Variants in PRKAA2 observed in about 807,000 individuals in gnomAD.
The protein encoded by PRKAA2 is 5'-AMP-activated protein kinase catalytic subunit alpha-2.
Under a neutral mutation model 56.3 loss-of-function variants are expected in PRKAA2, and 40 were observed. The observed-to-expected ratio is 0.71, with a 90% CI of 0.55 to 0.92. The LOEUF (loss-of-function observed/expected upper bound fraction) is 0.92. PRKAA2 is among the 40% of genes least tolerant of loss of function. The probability of loss-of-function intolerance (pLI) is 0.00; values close to 1 mark genes in which losing one functional copy is unlikely to be tolerated. For missense variants in PRKAA2, 542 were observed against 686.9 expected (o/e 0.79, Z 2.36); for synonymous variants, 214 against 234.2 (o/e 0.91, Z 0.79).
intron 1 of PRKAA2, among the ~76,000 whole-genome samples, chr1:56,658,565 A>G (rs1253688290): frequency 1.4e-5 from 2 of 140,736 alleles, no homozygotes; most frequent in Non-Finnish European, 3.0e-5. Flanking sequence ...ATAATGGTAA[A>G]TGTTGTTGTT....
At chr1:56,653,126 G>A (rs1367069045) in intron 1 of PRKAA2, among the ~76,000 whole-genome samples, 2 of 129,742 alleles carry the variant, frequency 1.5e-5, no homozygotes, top group African/African-American at 5.6e-5. Flanking sequence ...TTCTAAACAA[G>A]TGTTAAATAT....
At chr1:56,706,009 C>T in intron 7 of PRKAA2, 83 bp from the exon 8 acceptor site, 1 of 1,198,894 alleles carries the variant, frequency 8.3e-7, no homozygotes, top group Non-Finnish European at 1.2e-6. Flanking sequence ...TACCTCACCC[C>T]TATTAATTAT....
chr1:56,669,474 T>G (rs1042391410), intron 1 of PRKAA2, among the ~76,000 whole-genome samples: 3 of 151,922 alleles, frequency 2.0e-5, no homozygotes, highest in Non-Finnish European at 4.4e-5. Flanking sequence ...AGTGCTGATT[T>G]TGGGGACATG....
chr1:56,713,276 C>G lies in PRKAA2; in HGVS notation c.*5563C>G, dbSNP rs999281100. ...CATCCATAGCCTGATAAGAATCAGG[C>G]TGGGTCTAGAAGAGTTATCAGACTG... On this transcript the variant is annotated 3_prime_UTR_variant, in exon 9 of 9. Transcript: ENST00000371244. 6.6e-6 allele frequency: 1 copy of G among 152,086 alleles called. No individual in the cohort carries two copies. The highest frequency in any genetic ancestry group is 2.4e-5 in the African/African-American group (1 of 41,422). The allele number at this position is 152,086 out of a possible 1,614,324, so 9.4% of individuals were successfully genotyped here. A position where few individuals can be genotyped will look rare whatever the true frequency, so the allele number is the denominator to read the frequency against.
At chr1:56,655,596 C>T (rs1235521594) in intron 1 of PRKAA2, among the ~76,000 whole-genome samples, 1 of 151,996 alleles carries the variant, frequency 6.6e-6, no homozygotes, top group Non-Finnish European at 1.5e-5. Context: ...CATGAGGGAT[C>T]TTCTCCTATG....
At position 56,706,167 on chromosome 1, in the gene PRKAA2, C is replaced by T. The variant is rs1644330636; in HGVS notation, c.1369C>T (p.Leu457Phe). Residue 457 changes from leucine to phenylalanine, a missense_variant, in exon 8 of 9, where the codon CTT becomes TTT. Leu to Phe is a conservative substitution (Grantham distance 22, BLOSUM62 0). Transcript: ENST00000371244. ...CAATTACGTGAAAATGAGCTTACAA[C>T]TTTACCTGGTTGATAACAGGAGCTA... is the stretch of plus-strand genomic sequence containing the variant. ...TGNYVKMSLQ[L>F]YLVDNRSYLL... The T allele has an allele frequency of 6.2e-7, 1 of 1,613,814 alleles. No individual in the cohort carries two copies. Among genetic ancestry groups the T allele is most frequent in the Non-Finnish European group, 8.5e-7 (1 of 1,179,856 alleles).
intron 1 of PRKAA2, among the ~76,000 whole-genome samples, chr1:56,651,846 CTT>C (rs111704022): frequency 1.1e-4 from 15 of 142,516 alleles, no homozygotes; most frequent in Non-Finnish European, 1.2e-4. Context: ...TGAAAGTAAT[CTT>C]TTTTTTTTTT....
intron 2 of PRKAA2, among the ~76,000 whole-genome samples, chr1:56,681,167 G>A (rs1644152457): frequency 6.6e-6 from 1 of 152,180 alleles, no homozygotes; most frequent in South Asian, 2.1e-4. Flanking sequence ...TTTGAGAAAT[G>A]TCTGTTCATA....
Position 56,680,439 on chromosome 1 carries a change from A to G in PRKAA2, c.236+5917A>G, listed in dbSNP as rs1644145349. ...TTTGTTACATATGTATCCATGTGCC[A>G]TGTTGGTGTGCTGCACCCATTAACT... On this transcript the variant is annotated intron_variant, in intron 2 of 8. Coordinates refer to ENST00000371244, the MANE Select transcript of PRKAA2 (RefSeq NM_006252.4). Among the ~76,000 whole-genome samples the G allele has an allele frequency of 2.0e-5, 3 of 152,030 alleles. No individual in the cohort carries two copies. The South Asian group carries it at 6.2e-4, about 32-fold the overall frequency.
intron 4 of PRKAA2, 80 bp downstream of exon 4, chr1:56,692,582 T>G: frequency 6.9e-7 from 1 of 1,439,648 alleles, no homozygotes; most frequent in Non-Finnish European, 9.4e-7. Context: ...GAACTTTACT[T>G]TTCAACCTTG....
intron 8 of PRKAA2, among the ~76,000 whole-genome samples, chr1:56,706,728 C>G (rs1644334545): frequency 6.6e-6 from 1 of 152,088 alleles, no homozygotes; most frequent in Non-Finnish European, 1.5e-5. Context: ...TTAGTGTGTG[C>G]CAAGAATTAA....
chr1:56,646,536 A>G (rs1167508646), intron 1 of PRKAA2, among the ~76,000 whole-genome samples: 1 of 152,138 alleles, frequency 6.6e-6, no homozygotes, highest in Non-Finnish European at 1.5e-5. Flanking sequence ...CTTTTTTGTT[A>G]ATTAGTCACA....
At chr1:56,693,926 C>G in intron 5 of PRKAA2, 74 bp downstream of exon 5, 1 of 996,926 alleles carries the variant, frequency 1.0e-6, no homozygotes, top group South Asian at 2.0e-5. Context: ...AATATATTCT[C>G]TATGGAAGGT....
chr1:56,683,714 G>A (rs1446294171), intron 2 of PRKAA2, among the ~76,000 whole-genome samples: 1 of 152,088 alleles, frequency 6.6e-6, no homozygotes, highest in Non-Finnish European at 1.5e-5. Flanking sequence ...GATATCTGAA[G>A]TGGGTGAATG....
chr1:56,667,784 G>C (rs1203503571), intron 1 of PRKAA2, among the ~76,000 whole-genome samples: 1 of 152,080 alleles, frequency 6.6e-6, no homozygotes, highest in Non-Finnish European at 1.5e-5. Flanking sequence ...ATAATTAACT[G>C]TCATTAAATA....
intron 1 of PRKAA2, among the ~76,000 whole-genome samples, chr1:56,651,534 A>T (rs1643897643): frequency 6.6e-6 from 1 of 152,160 alleles, no homozygotes; most frequent in Admixed American, 6.6e-5. Context: ...TGCTCTATGG[A>T]CTGTAAAGTC....
At chr1:56,646,944 C>T (rs922077610) in intron 1 of PRKAA2, among the ~76,000 whole-genome samples, 1 of 152,116 alleles carries the variant, frequency 6.6e-6, no homozygotes, top group Non-Finnish European at 1.5e-5. Context: ...TAGGAGAAGG[C>T]AGACAGTAAT....
intron 2 of PRKAA2, among the ~76,000 whole-genome samples, chr1:56,686,994 C>T (rs768436481): frequency 2.6e-5 from 4 of 151,254 alleles, no homozygotes; most frequent in Non-Finnish European, 5.9e-5. Context: ...AAGCGATTCT[C>T]GTACCTCAGT....
rs775182044 is a variant in PRKAA2 at position 56,707,555 on chromosome 1, A to C, written c.1501A>C (p.Ser501Arg). 1.9e-6 allele frequency: 3 copies of C among 1,614,170 alleles called. No homozygotes were observed. Among genetic ancestry groups the C allele is most frequent in the Non-Finnish European group, 2.5e-6 (3 of 1,180,028 alleles). The change falls in exon 9 of 9, where the codon AGT (serine) becomes CGT (arginine). Residue 501 changes from serine (S) to arginine (R), a missense_variant. Transcript: ENST00000371244. ...TGCTGGCTTACACAGACCAAGATCA[A>C]GTTTTGATTCCACAACTGCAGAGAG... is the stretch of plus-strand genomic sequence containing the variant. The part of the protein sequence containing the change: ...SAAGLHRPRS[S>R]FDSTTAESHS...
Sources: allele counts gnomAD v4.1 joint callset (sites outside exome capture counted in the v4.1 genomes callset), GRCh38; gene constraint gnomAD v4.1.1; transcripts MANE v1.5; gene names NCBI Gene and HGNC (gene_info 2026-07-23, HGNC 2026-07-21).